OR1J2: variants seen among roughly 807,000 people sequenced by gnomAD.
OR1J2 encodes olfactory receptor family 1 subfamily J member 2, also known as olfactory receptor 1J2.
For missense variants in OR1J2, 304 were observed against 246.1 expected (o/e 1.24, Z -1.57); for synonymous variants, 142 against 99.7 (o/e 1.42, Z -2.52).
At chr9:122,552,673 C>G in the OR1J2 span, among the ~76,000 whole-genome samples, 1 of 151,690 alleles carries the variant, frequency 6.6e-6, no homozygotes, top group Non-Finnish European at 1.5e-5. Context: ...AGGTCAAATT[C>G]TCAGCACTGA....
chr9:122,472,446 C>A, the OR1J2 span, among the ~76,000 whole-genome samples: 1,080 of 152,320 alleles, frequency 7.1e-3, 9 homozygotes, highest in African/African-American at 0.024. Flanking sequence ...ACCCAACTGG[C>A]AAATTTTGTA....
the OR1J2 span, chr9:122,519,184 T>A: frequency 1.2e-4 from 191 of 1,613,512 alleles, 3 homozygotes; most frequent in East Asian, 4.2e-3. Context: ...TTCCTCCTCC[T>A]GGACCTCCCC....
chr9:122,521,834 AG>A, the OR1J2 span, among the ~76,000 whole-genome samples: 3 of 152,212 alleles, frequency 2.0e-5, no homozygotes. Context: ...TAGTCTTGTC[AG>A]GCCCATCCTC....
At chr9:122,528,010 C>T in the OR1J2 span, among the ~76,000 whole-genome samples, 1 of 152,146 alleles carries the variant, frequency 6.6e-6, no homozygotes, top group Non-Finnish European at 1.5e-5. Flanking sequence ...GGACCCAGAG[C>T]TCATAAATAT....
At chr9:122,514,509 T>C (rs1828674815), downstream of OR1J2, among the ~76,000 whole-genome samples, 2 of 152,210 alleles carry the variant, frequency 1.3e-5, no homozygotes, top group Non-Finnish European at 2.9e-5. Flanking sequence ...ATTTTCTTTA[T>C]CCAGTGCACC....
chr9:122,513,132 A>AT (rs1828660002), downstream of OR1J2, among the ~76,000 whole-genome samples: 1 of 152,134 alleles, frequency 6.6e-6, no homozygotes, highest in East Asian at 1.9e-4. Flanking sequence ...ATAAAATAGC[A>AT]TTTTTGTGGA....
chr9:122,457,455 T>C, the OR1J2 span, among the ~76,000 whole-genome samples: 1 of 151,688 alleles, frequency 6.6e-6, no homozygotes, highest in African/African-American at 2.4e-5. Context: ...ACCCTGGAAA[T>C]GGAGGAGAAT....
At chr9:122,448,197 A>G in the OR1J2 span, among the ~76,000 whole-genome samples, 2 of 152,182 alleles carry the variant, frequency 1.3e-5, no homozygotes, top group Non-Finnish European at 2.9e-5. Flanking sequence ...ACATATGTGC[A>G]AAGGAATCTG....
chr9:122,539,407 T>C, the OR1J2 span, among the ~76,000 whole-genome samples: 2 of 152,178 alleles, frequency 1.3e-5, no homozygotes, highest in African/African-American at 2.4e-5. Context: ...GAATGATGGT[T>C]TCCAGCTTCA....
the OR1J2 span, among the ~76,000 whole-genome samples, chr9:122,505,530 A>G: frequency 6.6e-6 from 1 of 152,168 alleles, no homozygotes; most frequent in African/African-American, 2.4e-5. Context: ...TTAAGTTTTA[A>G]CATGAGTTTT....
At chr9:122,488,418 C>T in the OR1J2 span, among the ~76,000 whole-genome samples, 2 of 152,206 alleles carry the variant, frequency 1.3e-5, no homozygotes, top group African/African-American at 2.4e-5. Context: ...GGATTATAGG[C>T]GTGAGCCACC....
At chr9:122,448,999 A>G in the OR1J2 span, 4 of 148,742 alleles carry the variant, frequency 2.7e-5, no homozygotes, top group East Asian at 5.9e-4. Flanking sequence ...AAAACAAGCG[A>G]TAATAAGTAA....
chr9:122,511,007 C>T lies in OR1J2; in HGVS notation c.206C>T (p.Thr69Ile). The change falls in exon 1 of 1, where the codon ACT (threonine) becomes ATT (isoleucine). Residue 69 changes from threonine to isoleucine, a missense_variant. Coordinates refer to ENST00000335302, the MANE Select transcript of OR1J2 (RefSeq NM_054107.1). ...MYFFLSHLAL[T>I]DISFSSVTVP... ...TTCTTCCTCAGCCACTTGGCTCTCACTGACATCTCCTTTTCATCTGTCACT... is the reference window on the plus strand; with the variant it reads ...TTCTTCCTCAGCCACTTGGCTCTCATTGACATCTCCTTTTCATCTGTCACT... The T allele has an allele frequency of 6.2e-7, 1 of 1,601,664 alleles. No individual in the cohort carries two copies.
chr9:122,466,343 G>A, the OR1J2 span, among the ~76,000 whole-genome samples: 1 of 152,172 alleles, frequency 6.6e-6, no homozygotes, highest in African/African-American at 2.4e-5. Flanking sequence ...GACTATTACA[G>A]TTGGCTCCGG....
the OR1J2 span, among the ~76,000 whole-genome samples, chr9:122,518,369 C>T: frequency 6.6e-6 from 1 of 152,216 alleles, no homozygotes; most frequent in Non-Finnish European, 1.5e-5. Flanking sequence ...GTTCTGGAGC[C>T]TGGGAAGCCC....
the OR1J2 span, among the ~76,000 whole-genome samples, chr9:122,461,500 TGTGACCTTA>T: frequency 2.0e-5 from 3 of 152,134 alleles, no homozygotes; most frequent in East Asian, 5.8e-4. Flanking sequence ...TTACATGAGG[TGTGACCTTA>T]GATTGCCTAT....
the OR1J2 span, among the ~76,000 whole-genome samples, chr9:122,483,484 A>G: frequency 6.6e-6 from 1 of 152,254 alleles, no homozygotes; most frequent in Non-Finnish European, 1.5e-5. Context: ...TAGGGTTAAC[A>G]TGCAAACTAT....
chr9:122,508,127 GGAGAGAGAGAGAGGGA>G (rs1405847200), upstream of OR1J2, among the ~76,000 whole-genome samples: 502 of 145,342 alleles, frequency 3.5e-3, 3 homozygotes, highest in African/African-American at 0.013. Flanking sequence ...AGTGAGGGGG[GGAGAGAGAGAGAGGGA>G]GAGAGAGAGA....
chr9:122,551,464 T>C, the OR1J2 span, among the ~76,000 whole-genome samples: 1 of 152,168 alleles, frequency 6.6e-6, no homozygotes, highest in Non-Finnish European at 1.5e-5. Flanking sequence ...TTTAAGGAAA[T>C]CGCCAGCAGA....
Sources: allele counts gnomAD v4.1 joint callset (sites outside exome capture counted in the v4.1 genomes callset), GRCh38; gene constraint gnomAD v4.1.1; transcripts MANE v1.5; gene names NCBI Gene and HGNC (gene_info 2026-07-23, HGNC 2026-07-21).